TBX5: variants seen among roughly 807,000 people sequenced by gnomAD.
The protein encoded by TBX5 is T-box transcription factor 5.
Under a neutral mutation model 51.1 loss-of-function variants are expected in TBX5, and 8 were observed. The ratio of observed to expected loss-of-function variants is 0.16; its 90% CI spans 0.09 to 0.28. TBX5 has a LOEUF of 0.28. TBX5 is among the 10% of genes least tolerant of loss of function. The pLI is 1.00. For synonymous variants in TBX5, 302 were observed against 266.4 expected (o/e 1.13, Z -1.30); for missense variants, 589 against 671.7 (o/e 0.88, Z 1.36).
At chr12:114,407,854 G>C (rs1285028387), upstream of TBX5, 3 of 985,146 alleles carry the variant, frequency 3.0e-6, no homozygotes, top group East Asian at 1.1e-4. Flanking sequence ...CAAAAGCCAG[G>C]AGTGCGCCTC....
In TBX5 at chr12:114,403,786, G is replaced by A; in HGVS notation, c.113C>T (p.Ser38Phe). 6.2e-7 allele frequency: 1 copy of A among 1,613,968 alleles called. No individual in the cohort carries two copies. Among genetic ancestry groups the A allele is most frequent in the African/African-American group, 1.3e-5 (1 of 75,042 alleles). Residue 38 changes from serine to phenylalanine, a missense_variant, in exon 2 of 9, where the codon TCC (serine) becomes TTC (phenylalanine). Physicochemically the swap from Ser to Phe is radical, Grantham distance 155. Around this residue, in one of 7 missense-constraint regions of TBX5, gnomAD observed 101 missense variants for 83.3 expected, o/e 1.21. Coordinates refer to ENST00000405440, the MANE Select transcript of TBX5 (RefSeq NM_181486.4). Reference protein sequence around the residue: ...PESALGAPSKSPSSPQAAFTQ... With the variant: ...PESALGAPSKFPSSPQAAFTQ... ...GAAGGCGGCCTGCGGGGACGACGGG[G>A]ACTTGCTGGGGGCCCCGAGCGCGCT...
rs79573250 is a variant in TBX5, at chr12:114,378,012, C to A, written c.755+7464G>T. Among the ~76,000 whole-genome samples the A allele has an allele frequency of 4.6e-3, 703 of 152,126 alleles. 7 individuals carry two copies. Among genetic ancestry groups the A allele is most frequent in the Non-Finnish European group, 8.0e-3 (544 of 67,996 alleles). ...CTCTCTGGTTGGGTGGCTCAGATCC[C>A]AGTCACCAAAAGTAGAGCCTCAAGT... On this transcript the variant is annotated intron_variant, in intron 7 of 8. Coordinates refer to ENST00000405440, the MANE Select transcript of TBX5 (RefSeq NM_181486.4).
intron 6 of TBX5, among the ~76,000 whole-genome samples, chr12:114,388,142 C>T (rs1870927758): frequency 6.6e-6 from 1 of 152,066 alleles, no homozygotes; most frequent in Non-Finnish European, 1.5e-5. Flanking sequence ...GCCACTGTGC[C>T]CAGCCAGGTT....
In TBX5 at chr12:114,356,066, G is replaced by T; in HGVS notation, c.1023C>A (p.Pro341=). ...CSTTDHPYKK[P]YMETSPSEED... is the part of the protein sequence containing the mutation. ...CTTCACTGGGTGATGTCTCCATGTA[G>T]GGCTTCTTATAGGGATGGTCTGTGG... The change falls in exon 9 of 9, where the codon CCC becomes CCA. Residue 341 remains proline, a synonymous_variant. Coordinates refer to ENST00000405440, the MANE Select transcript of TBX5 (RefSeq NM_181486.4). 2 of 1,613,696 alleles carry T rather than the reference G, an allele frequency of 1.2e-6. No individual in the cohort carries two copies. The highest frequency in any genetic ancestry group is 1.1e-5 in the South Asian group (1 of 91,074).
Position 114,366,338 on chromosome 12 carries a change from T to G in TBX5, c.809A>C (p.Asn270Thr), listed in dbSNP as rs1400642973. ...AGACTCGCTGCTGAAAGGACTGTGG[T>G]TGGAGGCCACTTTTTGCCTCACGGT... ...RSTVRQKVAS[N>T]HSPFSSESRA... The change falls in exon 8 of 9, where the codon AAC (asparagine) becomes ACC (threonine). Residue 270 changes from asparagine to threonine, a missense_variant. By Grantham distance (65) the Asn-to-Thr change is moderately conservative. Around this residue, in one of 7 missense-constraint regions of TBX5, gnomAD observed 348 missense variants for 360.4 expected, o/e 0.97. Coordinates refer to ENST00000405440, the MANE Select transcript of TBX5 (RefSeq NM_181486.4). 1 of 1,613,936 alleles carries G rather than the reference T, an allele frequency of 6.2e-7. No homozygotes were observed. The highest frequency in any genetic ancestry group is 1.3e-5 in the African/African-American group (1 of 74,896).
intron 7 of TBX5, among the ~76,000 whole-genome samples, chr12:114,372,866 C>A (rs1869988121): frequency 1.3e-5 from 2 of 152,090 alleles, no homozygotes; most frequent in South Asian, 4.2e-4. Context: ...TGGCTAGTTT[C>A]TTCCTTTACC....
intron 5 of TBX5, among the ~76,000 whole-genome samples, chr12:114,397,199 C>T (rs556335637): frequency 2.0e-5 from 3 of 152,218 alleles, no homozygotes; most frequent in South Asian, 4.2e-4. Flanking sequence ...TCCCTGAAAT[C>T]GGCGACCATG....
chr12:114,371,125 C>T (rs148046346), intron 7 of TBX5, among the ~76,000 whole-genome samples: 1 of 152,282 alleles, frequency 6.6e-6, no homozygotes, highest in East Asian at 1.9e-4. Context: ...TGGATATTGG[C>T]TCCACCCGGG....
intron 7 of TBX5, among the ~76,000 whole-genome samples, chr12:114,377,336 T>C (rs997014072): frequency 2.0e-5 from 3 of 151,982 alleles, no homozygotes; most frequent in African/African-American, 7.3e-5. Flanking sequence ...AGAGGGAAGG[T>C]TCAAATAGAA....
chr12:114,401,972 T>C (rs1359857386), intron 2 of TBX5, 52 bp from the exon 3 acceptor site: 2 of 1,513,918 alleles, frequency 1.3e-6, no homozygotes, highest in Admixed American at 3.4e-5. Flanking sequence ...GTAGTGGGCA[T>C]TCCTTCCCCA....
In TBX5 at chr12:114,376,825, A is replaced by T. The variant is rs370318350; in HGVS notation, c.755+8651T>A. Among the ~76,000 whole-genome samples the T allele has an allele frequency of 1.1e-4, 17 of 151,386 alleles. No individual in the cohort carries two copies. In the East Asian group the frequency reaches 2.8e-3, roughly 25 times the overall value. On this transcript the variant is annotated intron_variant, in intron 7 of 8. Coordinates refer to ENST00000405440, the MANE Select transcript of TBX5 (RefSeq NM_181486.4). ...TTTTGTCAATTATACCTCATTAAAG[A>T]TGAGGAAAAACACAGATGGGTGAGT... is the stretch of plus-strand genomic sequence containing the variant.
chr12:114,374,344 G>A (rs1364192445), intron 7 of TBX5, among the ~76,000 whole-genome samples: 1 of 152,152 alleles, frequency 6.6e-6, no homozygotes, highest in Non-Finnish European at 1.5e-5. Flanking sequence ...TTGGTTTCAA[G>A]CTTGGCTGCA....
At chr12:114,382,198 C>T (rs1870539936) in intron 7 of TBX5, among the ~76,000 whole-genome samples, 1 of 152,058 alleles carries the variant, frequency 6.6e-6, no homozygotes, top group Admixed American at 6.5e-5. Flanking sequence ...CCTGGACACC[C>T]AGCTCCTTGG....
chr12:114,372,600 A>G (rs1408078322), intron 7 of TBX5, among the ~76,000 whole-genome samples: 1 of 151,866 alleles, frequency 6.6e-6, no homozygotes, highest in Non-Finnish European at 1.5e-5. Context: ...GCCACCTTAT[A>G]AGGCCTAAAT....
chr12:114,403,935 C>T lies in TBX5; in HGVS notation c.-37G>A. 6.2e-7 allele frequency: 1 copy of T among 1,604,100 alleles called. No homozygotes were observed. The highest frequency in any genetic ancestry group is 8.5e-7 in the Non-Finnish European group (1 of 1,179,146). On this transcript the variant is annotated splice_region_variant and 5_prime_UTR_variant, in exon 2 of 9. Transcript: ENST00000405440. ...GGCCCTGTGCCCGCGCAAGGTTCTG[C>T]TCTGAGGACAAGAAGCAGGGGGAGA...
At chr12:114,371,139 T>A (rs1869879321) in intron 7 of TBX5, among the ~76,000 whole-genome samples, 1 of 152,182 alleles carries the variant, frequency 6.6e-6, no homozygotes, top group Non-Finnish European at 1.5e-5. Context: ...ACCCGGGCAA[T>A]ATCAAGATCT....
rs1299178515 is a variant in TBX5, at chr12:114,355,635, G to A, written c.1454C>T (p.Pro485Leu). ...GLQSPGTLQP[P>L]EFLYSHGVPR... ...CACGCCATGAGAGTAGAGGAACTCAGGGGGCTGAAGGGTGCCAGGGGACTG... is the reference window on the plus strand; with the variant it reads ...CACGCCATGAGAGTAGAGGAACTCAAGGGGCTGAAGGGTGCCAGGGGACTG... The change falls in exon 9 of 9, where the codon CCT becomes CTT. Residue 485 changes from proline to leucine, a missense_variant. This residue lies in a region of TBX5 where 348 missense variants were observed against 360.4 expected (regional missense o/e 0.97). Coordinates refer to ENST00000405440, the MANE Select transcript of TBX5 (RefSeq NM_181486.4). 1.2e-6 allele frequency: 2 copies of A among 1,614,080 alleles called. No homozygotes were observed. Among genetic ancestry groups the A allele is most frequent in the Non-Finnish European group, 1.7e-6 (2 of 1,180,056 alleles).
At chr12:114,383,436 AG>A (rs1428191232) in intron 7 of TBX5, among the ~76,000 whole-genome samples, 1 of 152,144 alleles carries the variant, frequency 6.6e-6, no homozygotes, top group Non-Finnish European at 1.5e-5. Flanking sequence ...GGACAAACCT[AG>A]GGGGGTGGCC....
intron 6 of TBX5, among the ~76,000 whole-genome samples, chr12:114,388,675 CGTGTGTGTGT>C (rs59385091): frequency 0.033 from 4,135 of 124,374 alleles, 169 homozygotes; most frequent in African/African-American, 0.098. Context: ...TTAAAGTATC[CGTGTGTGTGT>C]GTGTGTGTGT....
Sources: gnomAD v4.1 joint callset for allele counts (sites outside exome capture counted in the v4.1 genomes callset) on GRCh38, gnomAD v4.1.1 for gene constraint, gnomAD v4.1.1 regional missense constraint, MANE v1.5 for transcripts, NCBI Gene and HGNC (gene_info 2026-07-23, HGNC 2026-07-21) for gene names.